The following ALOX15B variants were observed in gnomAD, a reference collection of about 807,000 sequenced individuals.
ALOX15B encodes the protein polyunsaturated fatty acid lipoxygenase ALOX15B.
In ALOX15B, 74 loss-of-function variants were observed where a neutral mutation model predicts 73.8. The ratio of observed to expected loss-of-function variants is 1.00; its 90% CI spans 0.83 to 1.22. The LOEUF (loss-of-function observed/expected upper bound fraction) is 1.22. Among genes scored for constraint, ALOX15B ranks in the 50% most tolerant of loss-of-function variants. The pLI is 0.00. For synonymous variants in ALOX15B, 353 were observed against 357.2 expected, an observed-to-expected ratio of 0.99 and a Z score of 0.13; for missense variants, 896 against 859.9, an observed-to-expected ratio of 1.04 and a Z score of -0.52.
At position 8,046,713 on chromosome 17, in the gene ALOX15B, G is replaced by T. The variant is rs749072236; in HGVS notation, c.1246G>T (p.Ala416Ser). Reference protein sequence around the residue: ...TRYTLHINTLARELLIVPGQV... With the variant: ...TRYTLHINTLSRELLIVPGQV... ...ATACACCCTGCACATCAACACACTC[G>T]CCCGGGAGCTGCTTATCGTGCCAGG... The change falls in exon 9 of 14, where the codon GCC (alanine) becomes TCC (serine). Residue 416 changes from alanine (A) to serine (S), a missense_variant. Ala to Ser is a moderately conservative substitution (Grantham distance 99). Transcript: ENST00000380183. The T allele has an allele frequency of 1.2e-5, 20 of 1,613,592 alleles. No homozygotes were observed. Among genetic ancestry groups the T allele is most frequent in the East Asian group, 2.2e-5 (1 of 44,892 alleles).
intron 3 of ALOX15B, among the ~76,000 whole-genome samples, chr17:8,040,601 GAGAAAGAAAGAAAGAAAGAA>G (rs373229362): frequency 4.6e-5 from 5 of 109,462 alleles, no homozygotes; most frequent in African/African-American, 7.3e-5. Context: ...AAGAAAGAGA[GAGAAAGAAAGAAAGAAAGAA>G]AGAAAGAAAG....
chr17:8,040,892 C>A (rs1336277359), intron 3 of ALOX15B, among the ~76,000 whole-genome samples: 3 of 140,574 alleles, frequency 2.1e-5, no homozygotes, highest in African/African-American at 7.5e-5. Flanking sequence ...TTGGAGATAA[C>A]AGAGGAGTTG....
chr17:8,043,293 G>A (rs745375612), intron 5 of ALOX15B, among the ~76,000 whole-genome samples: 2 of 152,236 alleles, frequency 1.3e-5, no homozygotes, highest in Non-Finnish European at 2.9e-5. Flanking sequence ...TCTCCCAAGG[G>A]GGTGAACTAT....
In ALOX15B at chr17:8,039,611, G is replaced by C; in HGVS notation, c.367+6G>C. ...GGTGCTGCAGGAGGGTACAGGTGAGGGGCGGGCCGGGCTGGGGCTGCAGGG... is the reference window on the plus strand; with the variant it reads ...GGTGCTGCAGGAGGGTACAGGTGAGCGGCGGGCCGGGCTGGGGCTGCAGGG... On this transcript the variant is annotated splice_donor_region_variant and intron_variant, in intron 2 of 13. Coordinates refer to ENST00000380183, the MANE Select transcript of ALOX15B (RefSeq NM_001141.3). 2.3e-6 allele frequency: 3 copies of C among 1,307,468 alleles called. No individual in the cohort carries two copies. Among genetic ancestry groups the C allele is most frequent in the Middle Eastern group, 2.5e-4 (1 of 3,924 alleles). 81.0% of individuals were successfully genotyped at this position (1,307,468 alleles called of 1,614,324 possible).
Position 8,048,873 on chromosome 17 carries a change from G to A in ALOX15B, c.*308G>A, listed in dbSNP as rs373911180. On this transcript the variant is annotated 3_prime_UTR_variant, in exon 14 of 14. Coordinates refer to ENST00000380183, the MANE Select transcript of ALOX15B (RefSeq NM_001141.3). ...GGGTTTTGCTAGTTGGTTTTGTTTT[G>A]CGTTTTACAGCCGTGGGGGGAAGCA... is the stretch of plus-strand genomic sequence containing the variant. 5 of 247,326 alleles carry A rather than the reference G, an allele frequency of 2.0e-5. No homozygotes were observed. The highest frequency in any genetic ancestry group is 1.1e-4 in the African/African-American group (5 of 44,598). 15.3% of individuals were successfully genotyped at this position (247,326 alleles called of 1,614,324 possible).
chr17:8,044,977 G>T lies in ALOX15B; in HGVS notation c.825G>T (p.Gly275=), dbSNP rs1483069716. Residue 275 remains glycine (G), a synonymous_variant, in exon 6 of 14, where the codon GGG becomes GGT. Transcript: ENST00000380183. The stretch of plus-strand genomic sequence containing the variant: ...TGGTGGCCTCAGTGTTGGGTCCTGG[G>T]ACCAGCTTGCAGGCTGAGCTAGAGG... ...DAMVASVLGP[G]TSLQAELEKG... The T allele has an allele frequency of 3.7e-6, 6 of 1,613,996 alleles. No individual in the cohort carries two copies. The highest frequency in any genetic ancestry group is 5.1e-6 in the Non-Finnish European group (6 of 1,180,024).
intron 5 of ALOX15B, 108 bp from the exon 6 acceptor site, chr17:8,044,721 A>T: frequency 2.0e-6 from 2 of 978,374 alleles, no homozygotes; most frequent in Non-Finnish European, 3.0e-6. Flanking sequence ...CACTGTGAAG[A>T]TTAGCCAGAG....
At chr17:8,045,202 A>AC (rs766386119) in intron 6 of ALOX15B, 36 bp from the exon 7 acceptor site, 1 of 1,612,976 alleles carries the variant, frequency 6.2e-7, no homozygotes, top group Non-Finnish European at 8.5e-7. Context: ...CATTTAGAAA[A>AC]CCAGGTGGCA....
chr17:8,042,854 A>T lies in ALOX15B; in HGVS notation c.646A>T (p.Ile216Phe). The change falls in exon 5 of 14, where the codon ATC becomes TTC. Residue 216 changes from isoleucine (I) to phenylalanine (F), a missense_variant. Transcript: ENST00000380183. ...LWRSLNEMKR[I>F]FNFRRTPAAE... ...GAGGAGTCTGAATGAGATGAAAAGG[A>T]TCTTCAACTTCCGGAGGACCCCAGC... The T allele has an allele frequency of 6.4e-7, 1 of 1,555,248 alleles. No individual in the cohort carries two copies. Among genetic ancestry groups the T allele is most frequent in the South Asian group, 1.2e-5 (1 of 84,252 alleles).
chr17:8,044,697 T>G, intron 5 of ALOX15B, 132 bp from the exon 6 acceptor site: 1 of 742,046 alleles, frequency 1.3e-6, no homozygotes, highest in Non-Finnish European at 2.2e-6. Flanking sequence ...GCAGGGGAGG[T>G]AACTCTGAGG....
intron 6 of ALOX15B, 74 bp downstream of exon 6, chr17:8,045,075 G>A (rs1469142120): frequency 4.4e-6 from 7 of 1,593,214 alleles, no homozygotes; most frequent in Non-Finnish European, 5.1e-6. Flanking sequence ...ACTGGAGACA[G>A]AGGGGCACAC....
Position 8,047,376 on chromosome 17 carries a change from T to C in ALOX15B, c.1576T>C (p.Ser526Pro). 6.2e-7 allele frequency: 1 copy of C among 1,613,772 alleles called. No homozygotes were observed. The highest frequency in any genetic ancestry group is 8.5e-7 in the Non-Finnish European group (1 of 1,179,932). ...CAAGGGCTTCCTAAACCAGGAGAGC[T>C]CAGGTACAGGGACCTCAGCCCTCAG... Reference protein sequence around the residue: ...FSKGFLNQESSGIPSSLETRE... With the variant: ...FSKGFLNQESPGIPSSLETRE... Residue 526 changes from serine to proline, a missense_variant, in exon 11 of 14, where the codon TCA becomes CCA. By Grantham distance (74) the Ser-to-Pro change is moderately conservative. Transcript: ENST00000380183.
chr17:8,039,915 G>A lies in ALOX15B; in HGVS notation c.381G>A (p.Trp127Ter). The A allele has an allele frequency of 6.2e-7, 1 of 1,613,504 alleles. No individual in the cohort carries two copies. The highest frequency in any genetic ancestry group is 8.5e-7 in the Non-Finnish European group (1 of 1,179,750). The change falls in exon 3 of 14, where the codon TGG becomes TGA. Residue 127 changes from tryptophan (W) to a stop codon, truncating the protein, a stop_gained. Transcript: ENST00000380183. LOFTEE classifies it high-confidence loss of function. ...CTTCTCCCACAGCCAAGGTGTCCTGGGCAGACCACCACCCTGTGCTCCAGC... is the reference window on the plus strand; with the variant it reads ...CTTCTCCCACAGCCAAGGTGTCCTGAGCAGACCACCACCCTGTGCTCCAGC... ...VLQEGTAKVS[W>*]ADHHPVLQQQ...
chr17:8,045,081 C>T (rs1272270505), intron 6 of ALOX15B, 80 bp downstream of exon 6: 2 of 1,588,894 alleles, frequency 1.3e-6, no homozygotes, highest in Non-Finnish European at 1.7e-6. Context: ...GACAGAGGGG[C>T]ACACTCACAT....
chr17:8,039,164 G>C lies in ALOX15B; in HGVS notation c.9G>C (p.Glu3Asp). Reference sequence around the variant, plus strand: ...GGACTTAGGCTGGCAGCATGGCCGAGTTCAGGGTCAGGGTGTCCACCGGAG... The same window carrying C: ...GGACTTAGGCTGGCAGCATGGCCGACTTCAGGGTCAGGGTGTCCACCGGAG... MA[E>D]FRVRVSTGEA... The change falls in exon 1 of 14, where the codon GAG (glutamate) becomes GAC (aspartate). Residue 3 changes from glutamate to aspartate, a missense_variant. Coordinates refer to ENST00000380183, the MANE Select transcript of ALOX15B (RefSeq NM_001141.3). The C allele has an allele frequency of 6.2e-7, 1 of 1,613,214 alleles. No homozygotes were observed. The highest frequency in any genetic ancestry group is 2.2e-5 in the East Asian group (1 of 44,880).
rs1976485446 is a variant in ALOX15B, at chr17:8,042,385, C to G, written c.466C>G (p.Pro156Ala). 1.2e-6 allele frequency: 2 copies of G among 1,613,918 alleles called. No individual in the cohort carries two copies. The highest frequency in any genetic ancestry group is 2.7e-5 in the African/African-American group (2 of 74,928). The change falls in exon 4 of 14, where the codon CCA becomes GCA. Residue 156 changes from proline to alanine, a missense_variant. Transcript: ENST00000380183. The stretch of plus-strand genomic sequence containing the variant: ...ACCCTCCAGGTGGAAGGCTTACAAC[C>G]CAGGTTGGCCTCACTGCCTGGATGA... ...QEMYQWKAYN[P>A]GWPHCLDEKT...
rs141638840 is a variant in ALOX15B, at chr17:8,039,428, G to C, written c.190G>C (p.Val64Leu). The change falls in exon 2 of 14, where the codon GTG (valine) becomes CTG (leucine). Residue 64 changes from valine (V) to leucine (L), a missense_variant. Physicochemically the swap from Val to Leu is conservative, Grantham distance 32. Transcript: ENST00000380183. ...QVTLPEDVGR[V>L]LLLRVHKAPP... ...GACGCTCCCGGAGGACGTAGGCCGAGTGCTGCTGCTGCGCGTGCACAAGGC... is the reference window on the plus strand; with the variant it reads ...GACGCTCCCGGAGGACGTAGGCCGACTGCTGCTGCTGCGCGTGCACAAGGC... 45 of 1,612,522 alleles carry C rather than the reference G, an allele frequency of 2.8e-5. No individual in the cohort carries two copies. The highest frequency in any genetic ancestry group is 3.4e-5 in the Non-Finnish European group (40 of 1,179,592).
rs1277485122 is a variant in ALOX15B at position 8,039,239 on chromosome 17, G to A, written c.84G>A (p.Gly28=). The A allele has an allele frequency of 7.5e-6, 12 of 1,605,444 alleles. No homozygotes were observed. Among genetic ancestry groups the A allele is most frequent in the African/African-American group, 1.3e-5 (1 of 74,740 alleles). ...TWDKVSVSIV[G]TRGESPPLPL... ...ACAAAGTGTCTGTCAGCATCGTGGG[G>A]ACCCGGGGAGAGAGCCCCCCACTGC... The change falls in exon 1 of 14, where the codon GGG becomes GGA. Residue 28 remains glycine, a synonymous_variant. Transcript: ENST00000380183.
In ALOX15B at chr17:8,040,650, A is replaced by AGAAAGAAAGAAAGAAAGAAG. The variant is rs1555638514; in HGVS notation, c.449+671_449+672insGAAAGAAAGAAAGAAGGAAA. Among the ~76,000 whole-genome samples the AGAAAGAAAGAAAGAAAGAAG allele has an allele frequency of 3.5e-5, 4 of 112,790 alleles. No homozygotes were observed. In the South Asian group the frequency reaches 7.6e-4, roughly 21 times the overall value. 74.0% of individuals were successfully genotyped at this position (112,790 alleles called of 152,430 possible). On this transcript the variant is annotated intron_variant, in intron 3 of 13. Coordinates refer to ENST00000380183, the MANE Select transcript of ALOX15B (RefSeq NM_001141.3). Reference sequence around the variant, plus strand: ...AAGAAAGAAAGAAAGAAAGAAAGAAAGAAAAGAAAGAGAAAGAAACTGCTT... The same window carrying AGAAAGAAAGAAAGAAAGAAG: ...AAGAAAGAAAGAAAGAAAGAAAGAAAGAAAGAAAGAAAGAAAGAAGGAAAAGAAAGAGAAAGAAACTGCTT...
Sources: allele counts gnomAD v4.1 joint callset (sites outside exome capture counted in the v4.1 genomes callset), GRCh38; gene constraint gnomAD v4.1.1; transcripts MANE v1.5; gene names NCBI Gene and HGNC (gene_info 2026-07-23, HGNC 2026-07-21).